Variants in EIF4G3 observed in about 807,000 individuals in gnomAD.
EIF4G3 encodes eIF-4-gamma 3.
EIF4G3 carries 34 observed loss-of-function variants against 186.4 expected under a neutral mutation model. That is an observed-to-expected ratio of 0.18 (90% CI 0.14 to 0.24). The LOEUF (loss-of-function observed/expected upper bound fraction) is 0.24. Ranked by LOEUF, EIF4G3 falls within the 10% of genes least tolerant of loss-of-function variation. The probability of loss-of-function intolerance (pLI) is 1.00; values close to 1 mark genes in which losing one functional copy is unlikely to be tolerated. For synonymous variants in EIF4G3, 673 were observed against 679.5 expected, an observed-to-expected ratio of 0.99 and a Z score of 0.15; for missense variants, 1,536 against 1,948.5, an observed-to-expected ratio of 0.79 and a Z score of 3.99.
At chr1:21,001,026 T>G (rs1256413764) in intron 6 of EIF4G3, among the ~76,000 whole-genome samples, 173 bp downstream of exon 6, 1 of 152,184 alleles carries the variant, frequency 6.6e-6, no homozygotes, top group East Asian at 1.9e-4. Flanking sequence ...CCCACCCAAT[T>G]TGTTATTCTT....
chr1:20,892,376 GC>G (rs1352170924), intron 18 of EIF4G3, among the ~76,000 whole-genome samples: 1 of 152,218 alleles, frequency 6.6e-6, no homozygotes, highest in Non-Finnish European at 1.5e-5. Flanking sequence ...AGTAGGCAGA[GC>G]CTGCCGAATC....
intron 6 of EIF4G3, 88 bp downstream of exon 6, chr1:21,001,111 T>A: frequency 2.2e-6 from 1 of 451,124 alleles, no homozygotes. Flanking sequence ...GCATTTCTGT[T>A]CATCAGCCAA....
In EIF4G3 at chr1:21,176,680, G is replaced by T; in HGVS notation, c.-456+42C>A. 5 of 593,128 alleles carry T rather than the reference G, an allele frequency of 8.4e-6. No individual in the cohort carries two copies. The Admixed American group carries it at 1.2e-4, about 14-fold the overall frequency. The allele number at this position is 593,128 out of a possible 1,614,324, so 36.7% of individuals were successfully genotyped here. On this transcript the variant is annotated intron_variant, in intron 1 of 36. Coordinates refer to ENST00000602326, the MANE Select transcript of EIF4G3 (RefSeq NM_001391906.1). ...CTCCGTGACAACGCGACCCCAGGGG[G>T]GGGGCCGGACCCGGCGGGGGCAGGA...
At chr1:21,162,247 T>G (rs551259332) in intron 2 of EIF4G3, among the ~76,000 whole-genome samples, 15 of 152,092 alleles carry the variant, frequency 9.9e-5, no homozygotes, top group Admixed American at 6.6e-4. Context: ...GGTCAGGAGT[T>G]CGAGCCCAGC....
chr1:20,919,178 A>T (rs2094245018), intron 14 of EIF4G3, among the ~76,000 whole-genome samples: 1 of 151,940 alleles, frequency 6.6e-6, no homozygotes, highest in Admixed American at 6.6e-5. Flanking sequence ...TTGTCTTTTG[A>T]TTTCCTTTCT....
At chr1:21,152,105 T>C (rs1280271841) in intron 2 of EIF4G3, among the ~76,000 whole-genome samples, 1 of 151,968 alleles carries the variant, frequency 6.6e-6, no homozygotes. Flanking sequence ...GACTCCCGGA[T>C]CTATAACTGA....
At position 20,962,439 on chromosome 1, in the gene EIF4G3, T is replaced by A. The variant is rs182515549; in HGVS notation, c.714+7035A>T. Among the ~76,000 whole-genome samples the A allele has an allele frequency of 2.6e-5, 4 of 152,336 alleles. No individual in the cohort carries two copies. In the East Asian group the frequency reaches 7.7e-4, roughly 29 times the overall value. ...ATCAGTATCATAAGTTTACATCATC[T>A]GTTTATAAAATAAATCATCTGTCTA... On this transcript the variant is annotated intron_variant, in intron 12 of 36. Coordinates refer to ENST00000602326, the MANE Select transcript of EIF4G3 (RefSeq NM_001391906.1).
chr1:20,864,392 A>T, intron 22 of EIF4G3, 84 bp downstream of exon 22: 1 of 990,472 alleles, frequency 1.0e-6, no homozygotes, highest in East Asian at 2.4e-5. Context: ...TTGGGAAAAG[A>T]TAGAACTATT....
At chr1:20,836,502 C>T (rs1395755876) in intron 30 of EIF4G3, among the ~76,000 whole-genome samples, 6 of 152,232 alleles carry the variant, frequency 3.9e-5, no homozygotes, top group Non-Finnish European at 2.9e-5. Context: ...CCATCTTAGC[C>T]TCCCTGGTAG....
At chr1:20,813,116 G>A in intron 35 of EIF4G3, 42 bp downstream of exon 35, 1 of 1,336,528 alleles carries the variant, frequency 7.5e-7, no homozygotes, top group Non-Finnish European at 1.1e-6. Flanking sequence ...GACATAATGG[G>A]GATTTCAGAT....
intron 2 of EIF4G3, among the ~76,000 whole-genome samples, chr1:21,128,470 A>G (rs898540400): frequency 5.3e-5 from 8 of 151,466 alleles, no homozygotes; most frequent in Admixed American, 2.6e-4. Flanking sequence ...AGACCGTGCC[A>G]CGCACTCCAG....
At chr1:20,811,683 T>TA (rs569748140) in intron 35 of EIF4G3, among the ~76,000 whole-genome samples, 2 of 152,036 alleles carry the variant, frequency 1.3e-5, no homozygotes, top group East Asian at 3.8e-4. Context: ...TGTCTTACCA[T>TA]AAAAAAAGGT....
At chr1:21,096,112 C>T (rs905301526) in intron 2 of EIF4G3, among the ~76,000 whole-genome samples, 1 of 152,284 alleles carries the variant, frequency 6.6e-6, no homozygotes, top group African/African-American at 2.4e-5. Flanking sequence ...AAATGCCCAC[C>T]TTGCACAATA....
chr1:20,893,364 C>T (rs2086792653), intron 18 of EIF4G3, 153 bp downstream of exon 18: 2 of 752,850 alleles, frequency 2.7e-6, no homozygotes, highest in South Asian at 7.9e-5. Flanking sequence ...TCTTTATCTG[C>T]TTTAATATGA....
Position 21,123,051 on chromosome 1 carries a change from T to C in EIF4G3, c.-271-33838A>G, listed in dbSNP as rs1227632625. The stretch of plus-strand genomic sequence containing the variant: ...AGCTTGATGGCCAGGCTTTTCCTCT[T>C]GTGTCTTCCATTATCATTGCCGTTC... On this transcript the variant is annotated intron_variant, in intron 2 of 36. Coordinates refer to ENST00000602326, the MANE Select transcript of EIF4G3 (RefSeq NM_001391906.1). 2.0e-5 allele frequency among the ~76,000 whole-genome samples: 3 copies of C among 152,320 alleles called. No individual in the cohort carries two copies. In the East Asian group the frequency reaches 5.8e-4, roughly 29 times the overall value.
chr1:21,176,462 G>C (rs1297610126), intron 1 of EIF4G3, 104 bp from the exon 2 acceptor site: 1 of 188,386 alleles, frequency 5.3e-6, no homozygotes, highest in Non-Finnish European at 1.1e-5. Context: ...CGGGGGCAGC[G>C]GGGGGGCGGG....
chr1:21,020,107 T>G (rs913709542), intron 4 of EIF4G3, among the ~76,000 whole-genome samples: 1 of 152,200 alleles, frequency 6.6e-6, no homozygotes, highest in African/African-American at 2.4e-5. Flanking sequence ...TTGCGTCCAC[T>G]TAACAACATT....
At chr1:21,000,073 C>G (rs1391178967) in intron 6 of EIF4G3, among the ~76,000 whole-genome samples, 2 of 151,458 alleles carry the variant, frequency 1.3e-5, no homozygotes, top group African/African-American at 4.9e-5. Flanking sequence ...AAAAGCCAAA[C>G]TGTCTCCCTC....
chr1:20,863,430 CTT>C (rs5772919), intron 22 of EIF4G3, among the ~76,000 whole-genome samples: 1 of 116,640 alleles, frequency 8.6e-6, no homozygotes, highest in African/African-American at 3.3e-5. Context: ...ACCCTGTTAC[CTT>C]TTTTTTTTTT....
Sources: allele counts gnomAD v4.1 joint callset (sites outside exome capture counted in the v4.1 genomes callset), GRCh38; gene constraint gnomAD v4.1.1; transcripts MANE v1.5; gene names NCBI Gene and HGNC (gene_info 2026-07-23, HGNC 2026-07-21).